The following SUSD2 variants were observed in gnomAD, a reference collection of about 807,000 sequenced individuals.
SUSD2 encodes the protein sushi domain-containing protein 2.
In SUSD2, 86 loss-of-function variants were observed where a neutral mutation model predicts 93.8. That is an observed-to-expected ratio of 0.92 (90% confidence interval 0.77 to 1.10). The LOEUF (loss-of-function observed/expected upper bound fraction) is 1.10. Ranked by LOEUF, SUSD2 falls within the 50% of genes least tolerant of loss-of-function variation. The pLI, the probability that SUSD2 is intolerant of heterozygous loss-of-function variation, is 0.00. For synonymous variants in SUSD2, 483 were observed against 485.0 expected (o/e 1.00, Z 0.05); for missense variants, 1,060 against 1,137.0 (o/e 0.93, Z 0.97).
At chr22:24,183,711 C>A in intron 3 of SUSD2, 65 bp downstream of exon 3, 4 of 1,534,622 alleles carry the variant, frequency 2.6e-6, no homozygotes, top group Non-Finnish European at 3.5e-6. Context: ...AATCTATGCA[C>A]ACCGAGACTT....
chr22:24,183,712 A>G (rs1329084191), intron 3 of SUSD2, 66 bp downstream of exon 3: 4 of 1,532,700 alleles, frequency 2.6e-6, no homozygotes, highest in East Asian at 2.3e-5. Context: ...ATCTATGCAC[A>G]CCGAGACTTG....
chr22:24,187,295 G>A lies in SUSD2; in HGVS notation c.1736G>A (p.Ser579Asn), dbSNP rs2047374031. ...LEVSVQGPFLSVSVLLPEKFL... is the reference protein window; with the variant it reads ...LEVSVQGPFLNVSVLLPEKFL... ...GTCAGCGTGCAGGGCCCGTTCCTGA[G>A]TGTGTCCGTCCTGCTGCCTGAGAAG... Residue 579 changes from serine to asparagine, a missense_variant, in exon 11 of 15, where the codon AGT becomes AAT. Ser to Asn is a conservative substitution (Grantham distance 46). Transcript: ENST00000358321. 1 of 1,614,142 alleles carries A rather than the reference G, an allele frequency of 6.2e-7. No individual in the cohort carries two copies. The highest frequency in any genetic ancestry group is 2.2e-5 in the East Asian group (1 of 44,876).
At position 24,188,366 on chromosome 22, in the gene SUSD2, G is replaced by A. The variant is rs1158139061; in HGVS notation, c.2444+39G>A. On this transcript the variant is annotated intron_variant, in intron 14 of 14. Transcript: ENST00000358321. The surrounding 1 kb of genome is among the most constrained non-coding windows in gnomAD (Gnocchi z 4.7). ...GCCCCTCTCCCAAGACCCCGAGACAGCCGGTGGGACCACCGAGGCTACTTC... is the reference window on the plus strand; with the variant it reads ...GCCCCTCTCCCAAGACCCCGAGACAACCGGTGGGACCACCGAGGCTACTTC... 1 of 1,610,980 alleles carries A rather than the reference G, an allele frequency of 6.2e-7. No homozygotes were observed. The highest frequency in any genetic ancestry group is 8.5e-7 in the Non-Finnish European group (1 of 1,179,646).
In SUSD2 at chr22:24,187,727, G is replaced by C. The variant is rs1204592275; in HGVS notation, c.2048G>C (p.Cys683Ser). The change falls in exon 12 of 15, where the codon TGT (cysteine) becomes TCT (serine). Residue 683 changes from cysteine to serine, a missense_variant. Coordinates refer to ENST00000358321, the MANE Select transcript of SUSD2 (RefSeq NM_019601.4). ...CTGGCACAAGAGGCAGCCAAACTAT[G>C]TGGGGACGATCATTTCTGCAACTTT... The part of the protein sequence containing the change: ...PSLAQEAAKL[C>S]GDDHFCNFDV... The C allele has an allele frequency of 6.2e-7, 1 of 1,613,964 alleles. No individual in the cohort carries two copies. Among genetic ancestry groups the C allele is most frequent in the Non-Finnish European group, 8.5e-7 (1 of 1,180,052 alleles).
rs1601338734 is a variant in SUSD2 at position 24,183,405 on chromosome 22, G to T, written c.288-90G>T. ...AGGAGGGCACAGGGACAGCTGGCTGGTTGGGTTCCCCAGGGAGGTTGGGGG... is the reference window on the plus strand; with the variant it reads ...AGGAGGGCACAGGGACAGCTGGCTGTTTGGGTTCCCCAGGGAGGTTGGGGG... On this transcript the variant is annotated intron_variant, in intron 2 of 14. Transcript: ENST00000358321. 1.9e-6 allele frequency: 3 copies of T among 1,551,718 alleles called. No homozygotes were observed. In the East Asian group the frequency reaches 6.8e-5, roughly 35 times the overall value.
At chr22:24,182,047 T>C (rs2047328906) in intron 1 of SUSD2, among the ~76,000 whole-genome samples, 1 of 151,786 alleles carries the variant, frequency 6.6e-6, no homozygotes, top group Non-Finnish European at 1.5e-5. Flanking sequence ...CAAGCATCTC[T>C]CGGCCTCCTC....
At position 24,183,165 on chromosome 22, in the gene SUSD2, G is replaced by C; in HGVS notation, c.185G>C (p.Cys62Ser). The change falls in exon 2 of 15, where the codon TGC becomes TCC. Residue 62 changes from cysteine (C) to serine (S), a missense_variant. Around this residue, in one of 2 missense-constraint regions of SUSD2, gnomAD observed 87 missense variants for 131.6 expected, o/e 0.66. Transcript: ENST00000358321. Reference sequence around the variant, plus strand: ...TGCTGCTTGGATTTCCGGGACTTCTGCCTGGAGATATTGCCCTACTCAGGA... The same window carrying C: ...TGCTGCTTGGATTTCCGGGACTTCTCCCTGGAGATATTGCCCTACTCAGGA... ...GTCCLDFRDF[C>S]LEILPYSGSM... 6.2e-7 allele frequency: 1 copy of C among 1,614,046 alleles called. No homozygotes were observed. The highest frequency in any genetic ancestry group is 8.5e-7 in the Non-Finnish European group (1 of 1,179,892).
Position 24,187,354 on chromosome 22 carries a change from C to G in SUSD2, c.1795C>G (p.Leu599Val). ...CCACACCCACGGCCTCCTCGGGACA[C>G]TCAACAACGACCCCACCGACGACTT... Reference protein sequence around the residue: ...LTHTHGLLGTLNNDPTDDFTL... With the variant: ...LTHTHGLLGTVNNDPTDDFTL... The change falls in exon 11 of 15, where the codon CTC (leucine) becomes GTC (valine). Residue 599 changes from leucine (L) to valine (V), a missense_variant. Leu to Val is a conservative substitution (Grantham distance 32, BLOSUM62 1). Around this residue, in one of 2 missense-constraint regions of SUSD2, gnomAD observed 973 missense variants for 1,005.3 expected, o/e 0.97. Coordinates refer to ENST00000358321, the MANE Select transcript of SUSD2 (RefSeq NM_019601.4). 1 of 1,614,106 alleles carries G rather than the reference C, an allele frequency of 6.2e-7. No individual in the cohort carries two copies. Among genetic ancestry groups the G allele is most frequent in the Non-Finnish European group, 8.5e-7 (1 of 1,180,032 alleles).
Position 24,186,043 on chromosome 22 carries a change from T to C in SUSD2, c.1367T>C (p.Val456Ala). The C allele has an allele frequency of 6.2e-7, 1 of 1,611,838 alleles. No individual in the cohort carries two copies. The highest frequency in any genetic ancestry group is 8.5e-7 in the Non-Finnish European group (1 of 1,179,060). Reference sequence around the variant, plus strand: ...TCCGCCTTCGGAGACCCACACTTTGTGACCTTCGACGGCACCAACTTCACA... The same window carrying C: ...TCCGCCTTCGGAGACCCACACTTTGCGACCTTCGACGGCACCAACTTCACA... Reference protein sequence around the residue: ...LASAFGDPHFVTFDGTNFTFN... With the variant: ...LASAFGDPHFATFDGTNFTFN... The change falls in exon 9 of 15, where the codon GTG becomes GCG. Residue 456 changes from valine (V) to alanine (A), a missense_variant. Val to Ala is a moderately conservative substitution (Grantham distance 64, BLOSUM62 0). Transcript: ENST00000358321.
In SUSD2 at chr22:24,185,810, C is replaced by T. The variant is rs1328088052; in HGVS notation, c.1220C>T (p.Ser407Phe). 1 of 1,610,598 alleles carries T rather than the reference C, an allele frequency of 6.2e-7. No homozygotes were observed. The highest frequency in any genetic ancestry group is 8.5e-7 in the Non-Finnish European group (1 of 1,178,814). Residue 407 changes from serine (S) to phenylalanine (F), a missense_variant, in exon 8 of 15, where the codon TCC (serine) becomes TTC (phenylalanine). Transcript: ENST00000358321. ...FRTPPRVPSMSHWLYDVLSFY... is the reference protein window; with the variant it reads ...FRTPPRVPSMFHWLYDVLSFY... ...ACGCCACCCCGAGTGCCCAGCATGTCCCACTGGCTCTACGATGTCCTCAGC... is the reference window on the plus strand; with the variant it reads ...ACGCCACCCCGAGTGCCCAGCATGTTCCACTGGCTCTACGATGTCCTCAGC...
chr22:24,186,263 A>G lies in SUSD2; in HGVS notation c.1490A>G (p.Glu497Gly). 6.2e-7 allele frequency: 1 copy of G among 1,613,400 alleles called. No individual in the cohort carries two copies. Among genetic ancestry groups the G allele is most frequent in the Non-Finnish European group, 8.5e-7 (1 of 1,179,966 alleles). The change falls in exon 10 of 15, where the codon GAG becomes GGG. Residue 497 changes from glutamate to glycine, a missense_variant. Physicochemically the swap from Glu to Gly is moderately conservative, Grantham distance 98. Around this residue, in one of 2 missense-constraint regions of SUSD2, gnomAD observed 973 missense variants for 1,005.3 expected, o/e 0.97. Transcript: ENST00000358321. The part of the protein sequence containing the change: ...AQPGTMSNGT[E>G]TRGTGLTAVA... ...TCTGCTCCCACCACCGCAGGCACGG[A>G]GACCCGTGGCACTGGGCTGACCGCA...
Position 24,185,539 on chromosome 22 carries a change from G to A in SUSD2, c.1038G>A (p.Gly346=), listed in dbSNP as rs767036547. The A allele has an allele frequency of 1.2e-4, 184 of 1,585,332 alleles. No homozygotes were observed. In the East Asian group the frequency reaches 4.0e-3, roughly 34 times the overall value. The stretch of plus-strand genomic sequence containing the variant: ...GCAGCGTGTGCACCTACCACCCCGG[G>A]GCCGTGCACTGTGTGCGTTCTGTGC... ...EQGSVCTYHP[G]AVHCVRSVQA... Residue 346 remains glycine (G), a synonymous_variant, in exon 7 of 15, where the codon GGG becomes GGA. Transcript: ENST00000358321.
rs780371963 is a variant in SUSD2, at chr22:24,185,667, G to C, written c.1077G>C (p.Arg359=). The C allele has an allele frequency of 2.5e-6, 4 of 1,609,410 alleles. No individual in the cohort carries two copies. In the East Asian group the frequency reaches 8.9e-5, roughly 36 times the overall value. The stretch of plus-strand genomic sequence containing the variant: ...GACTCACTGGCTCCTGCAGCCTCCG[G>C]TACGGCTCAGGTCAGCAGTGCTGCT... ...HCVRSVQASL[R]YGSGQQCCYT... is the part of the protein sequence containing the mutation. Residue 359 remains arginine (R), a synonymous_variant, in exon 8 of 15, where the codon CGG becomes CGC. Coordinates refer to ENST00000358321, the MANE Select transcript of SUSD2 (RefSeq NM_019601.4).
At chr22:24,181,961 C>T (rs1050930658) in intron 1 of SUSD2, among the ~76,000 whole-genome samples, 2 of 152,228 alleles carry the variant, frequency 1.3e-5, no homozygotes, top group African/African-American at 4.8e-5. Flanking sequence ...AACTCCAGAA[C>T]CAGGACACTG....
In SUSD2 at chr22:24,188,235, C is replaced by T. The variant is rs779537380; in HGVS notation, c.2352C>T (p.Tyr784=). The part of the protein sequence containing the change: ...PTPKCQPGRS[Y]AVLLGIIFGG... The stretch of plus-strand genomic sequence containing the variant: ...TCGCTCCCTCACCAGGACGCAGCTA[C>T]GCGGTGCTGTTGGGCATCATCTTTG... Residue 784 remains tyrosine (Y), a synonymous_variant, in exon 14 of 15, where the codon TAC becomes TAT. Coordinates refer to ENST00000358321, the MANE Select transcript of SUSD2 (RefSeq NM_019601.4). The surrounding 1 kb of genome is among the most constrained non-coding windows in gnomAD (Gnocchi z 4.7). The T allele has an allele frequency of 1.2e-5, 19 of 1,599,348 alleles. No individual in the cohort carries two copies. Among genetic ancestry groups the T allele is most frequent in the African/African-American group, 5.3e-5 (4 of 74,770 alleles).
rs777506756 is a variant in SUSD2, at chr22:24,187,460, C to T, written c.1891+10C>T. ...CTGTTTGGGGCCAACTGTGAGTGAC[C>T]GTGGAGTATATGGGGCAGACGGGGT... On this transcript the variant is annotated intron_variant, in intron 11 of 14. Transcript: ENST00000358321. 3.1e-6 allele frequency: 5 copies of T among 1,612,480 alleles called. No individual in the cohort carries two copies. The highest frequency in any genetic ancestry group is 2.2e-5 in the East Asian group (1 of 44,860).
Position 24,188,373 on chromosome 22 carries a change from G to A in SUSD2, c.2445-39G>A, listed in dbSNP as rs1005162064. 4 of 1,610,688 alleles carry A rather than the reference G, an allele frequency of 2.5e-6. No individual in the cohort carries two copies. The Admixed American group carries it at 6.7e-5, about 27-fold the overall frequency. ...TCCCAAGACCCCGAGACAGCCGGTG[G>A]GACCACCGAGGCTACTTCTAACTGC... On this transcript the variant is annotated intron_variant, in intron 14 of 14. Transcript: ENST00000358321. The surrounding 1 kb of genome is among the most constrained non-coding windows in gnomAD (Gnocchi z 4.7).
At chr22:24,186,235 C>T (rs747074003) in intron 9 of SUSD2, 22 bp from the exon 10 acceptor site, 16 of 1,611,656 alleles carry the variant, frequency 9.9e-6, no homozygotes, top group Admixed American at 5.0e-5. Context: ...AAGTGGCTCC[C>T]GTTCTGCTCC....
chr22:24,183,965 C>T, intron 3 of SUSD2, 171 bp from the exon 4 acceptor site: 1 of 703,732 alleles, frequency 1.4e-6, no homozygotes. Flanking sequence ...GAGGGCAGGC[C>T]CCTGCCTCTG....
Sources: allele counts gnomAD v4.1 joint callset (sites outside exome capture counted in the v4.1 genomes callset), GRCh38; gene constraint gnomAD v4.1.1; regional missense constraint gnomAD v4.1.1; non-coding constraint Gnocchi (gnomAD v3.1); transcripts MANE v1.5; gene names NCBI Gene and HGNC (gene_info 2026-07-23, HGNC 2026-07-21).